RP1: variants seen among roughly 807,000 people sequenced by gnomAD.
RP1 encodes the protein RP1 axonemal microtubule associated.
In RP1, 16 loss-of-function variants were observed where a neutral mutation model predicts 14.8. That is an observed-to-expected ratio of 1.08 (90% CI 0.73 to 1.65). The LOEUF (loss-of-function observed/expected upper bound fraction) is 1.65, where lower values mean the gene tolerates loss of function less well. RP1 is among the 40% of genes most tolerant of loss of function. The pLI, the probability that RP1 is intolerant of heterozygous loss-of-function variation, is 0.00. For missense variants in RP1, 2,631 were observed against 2,535.0 expected, an observed-to-expected ratio of 1.04 and a Z score of -0.81; for synonymous variants, 876 against 883.6, an observed-to-expected ratio of 0.99 and a Z score of 0.15.
chr8:54,590,472 C>T (rs536124268), intron 1 of RP1, among the ~76,000 whole-genome samples: 16 of 152,236 alleles, frequency 1.1e-4, no homozygotes, highest in East Asian at 3.9e-4. Flanking sequence ...CCAGCCTAAC[C>T]GCCACCTTTC....
chr8:54,681,956 G>C (rs1049867165), intron 12 of RP1, among the ~76,000 whole-genome samples: 2 of 152,042 alleles, frequency 1.3e-5, no homozygotes, highest in Non-Finnish European at 2.9e-5. Flanking sequence ...ATGGGCATTT[G>C]GGTTGATTCC....
intron 25 of RP1, among the ~76,000 whole-genome samples, chr8:54,842,838 T>C (rs1455101378): frequency 6.6e-6 from 1 of 152,172 alleles, no homozygotes; most frequent in Non-Finnish European, 1.5e-5. Flanking sequence ...GGCTCTGGCT[T>C]GCATCCCCAG....
At chr8:54,730,525 T>A (rs932300302) in intron 17 of RP1, among the ~76,000 whole-genome samples, 2 of 152,124 alleles carry the variant, frequency 1.3e-5, no homozygotes, top group African/African-American at 4.8e-5. Context: ...GTTAATACAG[T>A]CTCAGCTTGG....
intron 1 of RP1, among the ~76,000 whole-genome samples, chr8:54,576,905 C>G (rs1037907754): frequency 2.0e-5 from 3 of 152,178 alleles, no homozygotes; most frequent in South Asian, 2.1e-4. Context: ...TTTCTGAAAA[C>G]TTGGTTTGAT....
At chr8:54,616,636 T>C (rs1397917849) in intron 1 of RP1, among the ~76,000 whole-genome samples, 3 of 152,242 alleles carry the variant, frequency 2.0e-5, no homozygotes, top group African/African-American at 4.8e-5. Context: ...AAATCTGAAA[T>C]GAACTGATTT....
chr8:54,775,477 T>C (rs1006333332), intron 23 of RP1, among the ~76,000 whole-genome samples: 4 of 152,298 alleles, frequency 2.6e-5, no homozygotes, highest in South Asian at 2.1e-4. Flanking sequence ...CTGGACCTTA[T>C]AGAGAAGTCT....
intron 24 of RP1, among the ~76,000 whole-genome samples, chr8:54,783,901 T>C (rs568563323): frequency 3.9e-5 from 6 of 152,310 alleles, no homozygotes; most frequent in South Asian, 2.1e-4. Flanking sequence ...AGGATTTTTG[T>C]TTCTTCTTCA....
In RP1 at chr8:54,802,577, C is replaced by T. The variant is rs150200255; in HGVS notation, c.3615+18867C>T. On this transcript the variant is annotated intron_variant, in intron 24 of 28. Transcript: ENST00000637698. ...TTTCTCAAAAAGCATTTTAGGAAAACCAAATTGTTCTTTCTTTCTGAAAGG... is the reference window on the plus strand; with the variant it reads ...TTTCTCAAAAAGCATTTTAGGAAAATCAAATTGTTCTTTCTTTCTGAAAGG... 5.3e-3 allele frequency among the ~76,000 whole-genome samples: 801 copies of T among 152,222 alleles called. 6 individuals carry two copies. Among genetic ancestry groups the T allele is most frequent in the African/African-American group, 0.018 (761 of 41,546 alleles).
chr8:54,824,911 GACAAAGAGCATCT>G (rs756448816), intron 24 of RP1, among the ~76,000 whole-genome samples: 13 of 151,770 alleles, frequency 8.6e-5, no homozygotes, highest in Non-Finnish European at 1.8e-4. Flanking sequence ...ATATCAACTT[GACAAAGAGCATCT>G]ACAAATACTC....
At chr8:54,793,986 A>G (rs1371799777) in intron 24 of RP1, among the ~76,000 whole-genome samples, 1 of 151,964 alleles carries the variant, frequency 6.6e-6, no homozygotes, top group East Asian at 1.9e-4. Flanking sequence ...TACAAAATCA[A>G]CATTTAAAAA....
intron 17 of RP1, among the ~76,000 whole-genome samples, chr8:54,733,251 T>A (rs932943904): frequency 9.9e-5 from 15 of 152,168 alleles, no homozygotes; most frequent in African/African-American, 3.6e-4. Context: ...AAAATGAGCA[T>A]CATAATTTGA....
intron 6 of RP1, chr8:54,663,696 C>G (rs1052732398): frequency 2.0e-6 from 3 of 1,509,878 alleles, no homozygotes; most frequent in Non-Finnish European, 2.6e-6. Context: ...CTTATGTTGT[C>G]AGTGACAATA....
chr8:54,605,946 G>A (rs1352911562), intron 1 of RP1, among the ~76,000 whole-genome samples: 2 of 141,152 alleles, frequency 1.4e-5, no homozygotes, highest in Non-Finnish European at 3.1e-5. Context: ...TGCACATGAT[G>A]AGATGGGTTT....
chr8:54,707,589 T>C (rs1266926935), intron 15 of RP1, among the ~76,000 whole-genome samples: 2 of 152,246 alleles, frequency 1.3e-5, no homozygotes, highest in Non-Finnish European at 2.9e-5. Flanking sequence ...AATAGTTTAG[T>C]TTAAATTAGA....
At chr8:54,567,181 A>G (rs188275724) in intron 1 of RP1, among the ~76,000 whole-genome samples, 74 of 152,336 alleles carry the variant, frequency 4.9e-4, no homozygotes, top group Admixed American at 3.5e-3. Flanking sequence ...AAACTCTTCA[A>G]TATAGGCAAC....
chr8:54,864,640 G>C (rs932973815), intron 27 of RP1, among the ~76,000 whole-genome samples: 4 of 152,162 alleles, frequency 2.6e-5, no homozygotes, highest in African/African-American at 7.2e-5. Flanking sequence ...CTAATGTGCA[G>C]AGCAGCGCTG....
At chr8:54,663,825 G>A (rs971203515) in exon 7 of RP1, 1 of 1,528,524 alleles carries the variant, frequency 6.5e-7, no homozygotes, top group South Asian at 1.2e-5. Flanking sequence ...AGATCGAAGA[G>A]CTCCTTCAAT....
chr8:54,570,208 A>C (rs1804491801), intron 1 of RP1, among the ~76,000 whole-genome samples: 1 of 152,194 alleles, frequency 6.6e-6, no homozygotes, highest in Admixed American at 6.5e-5. Context: ...TGCTCCTGGA[A>C]TGTCATGAGG....
chr8:54,580,992 A>C (rs1447931966), intron 1 of RP1, among the ~76,000 whole-genome samples: 1 of 145,300 alleles, frequency 6.9e-6, no homozygotes, highest in East Asian at 1.9e-4. Context: ...AATTCTTTTT[A>C]TTTATTTATC....
Sources: allele counts gnomAD v4.1 joint callset (sites outside exome capture counted in the v4.1 genomes callset), GRCh38; gene constraint gnomAD v4.1.1; transcripts MANE v1.5; gene names NCBI Gene and HGNC (gene_info 2026-07-23, HGNC 2026-07-21).